Variants in RIF1 observed in about 807,000 individuals in gnomAD.
RIF1 encodes replication timing regulatory factor 1, also known as telomere-associated protein RIF1.
RIF1 carries 45 observed loss-of-function variants against 247.1 expected under a neutral mutation model. The ratio of observed to expected loss-of-function variants is 0.18; its 90% CI spans 0.14 to 0.23. The LOEUF is 0.23. RIF1 is among the 10% of genes least tolerant of loss of function. The pLI, the probability that RIF1 is intolerant of heterozygous loss-of-function variation, is 1.00. For synonymous variants in RIF1, 1,087 were observed against 978.8 expected, an observed-to-expected ratio of 1.11 and a Z score of -2.06; for missense variants, 2,967 against 2,862.5, an observed-to-expected ratio of 1.04 and a Z score of -0.83.
chr2:151,424,410 T>C (rs557002445), intron 8 of RIF1, among the ~76,000 whole-genome samples: 16 of 152,258 alleles, frequency 1.1e-4, no homozygotes, highest in African/African-American at 1.7e-4. Flanking sequence ...AAGCATAAAG[T>C]TTTTAAGATT....
intron 9 of RIF1, among the ~76,000 whole-genome samples, chr2:151,429,450 G>A (rs895579179): frequency 2.0e-5 from 3 of 152,230 alleles, no homozygotes; most frequent in African/African-American, 7.2e-5. Context: ...CAAATGCTGG[G>A]ATTACAGGCG....
intron 12 of RIF1, chr2:151,503,267 T>C (rs976447775): frequency 9.9e-7 from 1 of 1,012,620 alleles, no homozygotes; most frequent in African/African-American, 1.6e-5. Context: ...GCTGTTAAGA[T>C]GTTACTTTCT....
chr2:151,457,658 G>A (rs149117302), intron 23 of RIF1, 103 bp from the exon 24 acceptor site: 1 of 757,786 alleles, frequency 1.3e-6, no homozygotes, highest in Non-Finnish European at 2.1e-6. Flanking sequence ...AACAGTGGGG[G>A]TTAGTTTAAA....
chr2:151,489,207 A>T lies in RIF1; in HGVS notation c.*415+5872A>T, dbSNP rs74886039. On this transcript the variant is annotated intron_variant and NMD_transcript_variant, in intron 9 of 13. Coordinates refer to the RIF1 transcript ENST00000454583. ...ATTTAATAAAGACAGTTGTCTTCAT[A>T]CAAAGATTGTTCATATCAATCCTAA... Among the ~76,000 whole-genome samples the T allele has an allele frequency of 6.0e-3, 913 of 152,336 alleles. 6 individuals carry two copies. Among genetic ancestry groups the T allele is most frequent in the Middle Eastern group, 0.017 (5 of 294 alleles).
In RIF1 at chr2:151,438,699, C is replaced by T. The variant is rs1691703993; in HGVS notation, c.1499C>T (p.Ala500Val). 1.9e-6 allele frequency: 3 copies of T among 1,612,050 alleles called. No individual in the cohort carries two copies. In the East Asian group the frequency reaches 6.7e-5, roughly 36 times the overall value. ...GKDAPDVVVS[A>V]IWKELISLVK... ...TGTTTGACAGATGTGGTTGTCAGTG[C>T]TATCTGGAAGGAGCTAATTAGCTTG... The change falls in exon 14 of 36, where the codon GCT becomes GTT. Residue 500 changes from alanine (A) to valine (V), a missense_variant. By Grantham distance (64) the Ala-to-Val change is moderately conservative. Transcript: ENST00000444746.
chr2:151,533,605 G>A, the RIF1 span: 4 of 1,087,546 alleles, frequency 3.7e-6, no homozygotes, highest in Admixed American at 2.0e-5. Context: ...AAAAGAACAC[G>A]GCTCTATATC....
In RIF1 at chr2:151,463,538, G is replaced by C. The variant is rs755135674; in HGVS notation, c.4018G>C (p.Asp1340His). Residue 1340 changes from aspartate (D) to histidine (H), a missense_variant, in exon 30 of 36, where the codon GAT becomes CAT. Physicochemically the swap from Asp to His is moderately conservative, Grantham distance 81. Transcript: ENST00000444746. The stretch of plus-strand genomic sequence containing the variant: ...GCTTAATCAAACAGAATGTGTGTCA[G>C]ATAATCAGGTTCATCTTTCTGAATC... ...GLLNQTECVS[D>H]NQVHLSESTM... The C allele has an allele frequency of 1.9e-5, 30 of 1,613,868 alleles. No homozygotes were observed. The South Asian group carries it at 3.3e-4, about 18-fold the overall frequency.
At position 151,416,627 on chromosome 2, in the gene RIF1, G is replaced by A. The variant is rs779312462; in HGVS notation, c.347G>A (p.Arg116His). ...DTIKNSDKNV[R>H]TRALWVISKQ... is the part of the protein sequence containing the mutation. ...ATTAAGAATTCAGACAAAAATGTAC[G>A]TACTAGAGCACTTTGGGTGATATCT... Residue 116 changes from arginine (R) to histidine (H), a missense_variant, in exon 5 of 36, where the codon CGT becomes CAT. Around this residue, in one of 7 missense-constraint regions of RIF1, gnomAD observed 269 missense variants for 288.6 expected, o/e 0.93. Transcript: ENST00000444746. 8 of 1,611,482 alleles carry A rather than the reference G, an allele frequency of 5.0e-6. No individual in the cohort carries two copies. The highest frequency in any genetic ancestry group is 2.2e-5 in the East Asian group (1 of 44,824).
intron 9 of RIF1, among the ~76,000 whole-genome samples, chr2:151,489,201 C>T (rs1178482951): frequency 1.3e-5 from 2 of 152,106 alleles, no homozygotes; most frequent in Admixed American, 1.3e-4. Context: ...AGACAGTTGT[C>T]TTCATACAAA....
At position 151,472,469 on chromosome 2, in the gene RIF1, T is replaced by C. The variant is rs570593751; in HGVS notation, c.7096-1495T>C. Among the ~76,000 whole-genome samples the C allele has an allele frequency of 1.4e-3, 214 of 152,256 alleles. 3 individuals carry two copies. The highest frequency in any genetic ancestry group is 4.8e-3 in the African/African-American group (198 of 41,556). ...GTGCCAGTTTTCAAAGGGAATGCTT[T>C]CAGTTTTTGCCCATTCAGTATGATA... On this transcript the variant is annotated intron_variant, in intron 34 of 35. Transcript: ENST00000444746.
the RIF1 span, chr2:151,527,401 G>A: frequency 9.0e-7 from 1 of 1,108,294 alleles, no homozygotes; most frequent in Non-Finnish European, 1.3e-6. Flanking sequence ...ACTCATGATA[G>A]TGGTTATTAT....
chr2:151,485,672 A>T, downstream of RIF1: 2 of 1,287,498 alleles, frequency 1.6e-6, no homozygotes, highest in Non-Finnish European at 2.1e-6. Context: ...AGGCAGCTTG[A>T]GAACTTAGGT....
chr2:151,429,580 A>G (rs1352880897), intron 9 of RIF1, among the ~76,000 whole-genome samples: 2 of 152,192 alleles, frequency 1.3e-5, no homozygotes, highest in African/African-American at 2.4e-5. Flanking sequence ...ATTAATCACT[A>G]TTTTAGAGAG....
At chr2:151,458,226 ATTTTTT>A (rs71403171) in intron 24 of RIF1, among the ~76,000 whole-genome samples, 1 of 99,176 alleles carries the variant, frequency 1.0e-5, no homozygotes, top group African/African-American at 3.6e-5. Context: ...GAAATAGATG[ATTTTTT>A]TTTTTTTTTT....
chr2:151,500,273 T>A (rs1313839603), intron 11 of RIF1, among the ~76,000 whole-genome samples: 1 of 152,158 alleles, frequency 6.6e-6, no homozygotes, highest in East Asian at 1.9e-4. Context: ...ACTTTTAGAA[T>A]ATATTTAAAC....
In RIF1 at chr2:151,475,228, A is replaced by C; in HGVS notation, c.*157A>C. On this transcript the variant is annotated 3_prime_UTR_variant, in exon 36 of 36. Transcript: ENST00000444746. ...GGACAGTGACTTATTATGTAAGTTC[A>C]ATTTTGTAAGTTCATTATGTAAGAT... 1.6e-6 allele frequency: 1 copy of C among 613,672 alleles called. No individual in the cohort carries two copies. The highest frequency in any genetic ancestry group is 2.8e-6 in the Non-Finnish European group (1 of 352,946). The allele number at this position is 613,672 out of a possible 1,614,324, so 38.0% of individuals were successfully genotyped here.
Position 151,460,120 on chromosome 2 carries a change from G to T in RIF1, c.3075+1G>T, listed in dbSNP as rs572234302. On this transcript the variant is annotated splice_donor_variant, in intron 26 of 35. Coordinates refer to ENST00000444746, the MANE Select transcript of RIF1 (RefSeq NM_018151.5). LOFTEE classifies it high-confidence loss of function. ...AGAAAATATGAAACCAGCAGCCAAA[G>T]TATGTTTTCAAAAGTTTAATCAAAA... The T allele has an allele frequency of 1.3e-6, 2 of 1,533,502 alleles. No individual in the cohort carries two copies. Among genetic ancestry groups the T allele is most frequent in the South Asian group, 1.2e-5 (1 of 80,886 alleles). The allele number at this position is 1,533,502 out of a possible 1,614,324, so 95.0% of individuals were successfully genotyped here.
intron 4 of RIF1, among the ~76,000 whole-genome samples, 190 bp from the exon 5 acceptor site, chr2:151,416,371 A>G (rs1343979967): frequency 1.3e-5 from 2 of 152,140 alleles, no homozygotes; most frequent in Non-Finnish European, 2.9e-5. Flanking sequence ...TTCTCTCAGT[A>G]TATCCTCCCC....
chr2:151,504,415 G>T (rs2067160908), intron 12 of RIF1, among the ~76,000 whole-genome samples: 1 of 152,182 alleles, frequency 6.6e-6, no homozygotes, highest in South Asian at 2.1e-4. Flanking sequence ...AAGTTGTAAT[G>T]CAAAGTGACA....
Sources: allele counts gnomAD v4.1 joint callset (sites outside exome capture counted in the v4.1 genomes callset), GRCh38; gene constraint gnomAD v4.1.1; regional missense constraint gnomAD v4.1.1; transcripts MANE v1.5; gene names NCBI Gene and HGNC (gene_info 2026-07-23, HGNC 2026-07-21).